ZMYM2: variants seen among roughly 807,000 people sequenced by gnomAD.
ZMYM2 encodes zinc finger MYM-type protein 2.
Under a neutral mutation model 162.8 loss-of-function variants are expected in ZMYM2, and 56 were observed. That is an observed-to-expected ratio of 0.34 (90% CI 0.28 to 0.43). ZMYM2 has a LOEUF of 0.43. Ranked by LOEUF, ZMYM2 falls within the 20% of genes least tolerant of loss-of-function variation. The pLI is 1.00. For missense variants in ZMYM2, 1,275 were observed against 1,621.8 expected (o/e 0.79, Z 3.67); for synonymous variants, 510 against 541.6 (o/e 0.94, Z 0.81).
chr13:19,990,660 C>T (rs1949530966), intron 2 of ZMYM2, among the ~76,000 whole-genome samples: 1 of 152,188 alleles, frequency 6.6e-6, no homozygotes, highest in Non-Finnish European at 1.5e-5. Context: ...AATGCCTCTA[C>T]CACTGTCATC....
chr13:19,986,563 TTAAA>T (rs1298899890), intron 2 of ZMYM2, among the ~76,000 whole-genome samples: 1 of 152,030 alleles, frequency 6.6e-6, no homozygotes, highest in Non-Finnish European at 1.5e-5. Context: ...TTAGTTACTT[TTAAA>T]TAAATTTGAA....
intron 6 of ZMYM2, among the ~76,000 whole-genome samples, chr13:20,011,229 G>A (rs1011298286): frequency 6.6e-6 from 1 of 152,154 alleles, no homozygotes; most frequent in Non-Finnish European, 1.5e-5. Flanking sequence ...TTCCGGAGTT[G>A]AAGAAGTTCT....
the ZMYM2 span, among the ~76,000 whole-genome samples, chr13:19,905,088 T>C: frequency 6.7e-6 from 1 of 149,806 alleles, no homozygotes; most frequent in Middle Eastern, 3.4e-3. Flanking sequence ...CTCGGCTCAC[T>C]GCAACCTTCG....
chr13:19,876,029 A>AT, the ZMYM2 span, among the ~76,000 whole-genome samples: 19,667 of 145,772 alleles, frequency 0.13, 1,420 homozygotes, highest in Middle Eastern at 0.21. Flanking sequence ...TTGTTCTTAA[A>AT]TTTTTTTTTT....
the ZMYM2 span, among the ~76,000 whole-genome samples, chr13:19,937,789 G>GC: frequency 1.2e-5 from 1 of 81,852 alleles, no homozygotes; most frequent in African/African-American, 5.3e-5. Context: ...CCCTCCCCCC[G>GC]CCCCCCACCT....
At chr13:20,056,230 C>A (rs1181265115) in intron 14 of ZMYM2, among the ~76,000 whole-genome samples, 1 of 152,134 alleles carries the variant, frequency 6.6e-6, no homozygotes, top group Non-Finnish European at 1.5e-5. Flanking sequence ...TGTATCATTT[C>A]CATTGGAGGT....
At chr13:19,912,296 T>G in the ZMYM2 span, among the ~76,000 whole-genome samples, 1 of 148,486 alleles carries the variant, frequency 6.7e-6, no homozygotes, top group African/African-American at 2.5e-5. Context: ...TTTTGGGTTT[T>G]TTTTTTTTTT....
chr13:19,876,393 G>A, the ZMYM2 span, among the ~76,000 whole-genome samples: 8 of 151,680 alleles, frequency 5.3e-5, no homozygotes, highest in African/African-American at 1.2e-4. Flanking sequence ...CACGATCTCG[G>A]CTCACTGCAA....
chr13:19,993,946 A>G (rs1949823263), intron 3 of ZMYM2, 27 bp downstream of exon 3: 1 of 1,570,648 alleles, frequency 6.4e-7, no homozygotes, highest in Non-Finnish European at 8.6e-7. Flanking sequence ...ACTCTACTTC[A>G]TGTAAATGAA....
At chr13:20,034,916 T>C (rs1015988343) in intron 11 of ZMYM2, among the ~76,000 whole-genome samples, 2 of 152,226 alleles carry the variant, frequency 1.3e-5, no homozygotes, top group Admixed American at 6.5e-5. Flanking sequence ...ATCTACACTT[T>C]TGCTGCTCTG....
the ZMYM2 span, among the ~76,000 whole-genome samples, chr13:19,916,000 C>T: frequency 1.2e-4 from 18 of 151,878 alleles, no homozygotes; most frequent in South Asian, 2.9e-3. Context: ...GCTGGGACTA[C>T]AGGGGCCCGC....
chr13:19,942,172 T>A, the ZMYM2 span, among the ~76,000 whole-genome samples: 3 of 152,126 alleles, frequency 2.0e-5, no homozygotes, highest in Non-Finnish European at 4.4e-5. Flanking sequence ...TAGCTTCATG[T>A]GTAAGAAATT....
In ZMYM2 at chr13:20,086,181, T is replaced by C. The variant is rs1346677840; in HGVS notation, c.*167T>C. On this transcript the variant is annotated 3_prime_UTR_variant, in exon 25 of 25. Transcript: ENST00000610343. ...AATAATCTGTGAGTGAAAGTTGCCA[T>C]TATTCTATGTAGTGGTTTTAGGATA... The C allele has an allele frequency of 1.8e-6, 1 of 556,218 alleles. No homozygotes were observed. Among genetic ancestry groups the C allele is most frequent in the Non-Finnish European group, 3.0e-6 (1 of 335,006 alleles). 34.5% of individuals were successfully genotyped at this position (556,218 alleles called of 1,614,324 possible). A position where few individuals can be genotyped will look rare whatever the true frequency, so the allele number is the denominator to read the frequency against.
intron 6 of ZMYM2, among the ~76,000 whole-genome samples, chr13:20,009,596 G>A (rs1951013994): frequency 6.6e-6 from 1 of 152,062 alleles, no homozygotes; most frequent in Non-Finnish European, 1.5e-5. Flanking sequence ...TGGTAACTTA[G>A]TACTTTCTGT....
At chr13:20,074,895 G>C (rs1957377895) in intron 21 of ZMYM2, among the ~76,000 whole-genome samples, 2 of 152,048 alleles carry the variant, frequency 1.3e-5, no homozygotes, top group East Asian at 3.8e-4. Context: ...TCAAAAAGTT[G>C]TTTTACTACT....
intron 2 of ZMYM2, among the ~76,000 whole-genome samples, chr13:19,971,945 T>A (rs1334189313): frequency 1.3e-5 from 2 of 152,120 alleles, no homozygotes; most frequent in Non-Finnish European, 2.9e-5. Context: ...TTAAGGAGTT[T>A]AGGGGTATTA....
At chr13:19,927,938 A>G in the ZMYM2 span, among the ~76,000 whole-genome samples, 922 of 152,276 alleles carry the variant, frequency 6.1e-3, 13 homozygotes, top group African/African-American at 0.019. Flanking sequence ...TTTATTGGCC[A>G]TCTTCATGAA....
At position 20,044,777 on chromosome 13, in the gene ZMYM2, C is replaced by T. The variant is rs548396254; in HGVS notation, c.2293-6656C>T. Among the ~76,000 whole-genome samples, 5 of 151,494 alleles carry T rather than the reference C, an allele frequency of 3.3e-5. No homozygotes were observed. In the South Asian group the frequency reaches 6.3e-4, roughly 19 times the overall value. ...AAAGCATGTGAAGACAGGCCAGGCG[C>T]GGCGGCTCACTCCTGTAATCCCAGC... On this transcript the variant is annotated intron_variant, in intron 12 of 24. Coordinates refer to ENST00000610343, the MANE Select transcript of ZMYM2 (RefSeq NM_197968.4).
intron 2 of ZMYM2, among the ~76,000 whole-genome samples, chr13:19,969,176 G>T (rs1215021819): frequency 6.6e-6 from 1 of 152,064 alleles, no homozygotes; most frequent in Non-Finnish European, 1.5e-5. Context: ...CATATATACT[G>T]TTACTATCAA....
Sources: allele counts gnomAD v4.1 joint callset (sites outside exome capture counted in the v4.1 genomes callset), GRCh38; gene constraint gnomAD v4.1.1; transcripts MANE v1.5; gene names NCBI Gene and HGNC (gene_info 2026-07-23, HGNC 2026-07-21).